The following GPC5 variants were observed in gnomAD, a reference collection of about 807,000 sequenced individuals.
GPC5 encodes glypican-5.
A neutral mutation model predicts 53.9 loss-of-function variants in GPC5; 47 were observed. The observed-to-expected ratio is 0.87, with a 90% CI of 0.69 to 1.11. GPC5 has a LOEUF of 1.11. Ranked by LOEUF, GPC5 falls within the 50% of genes most tolerant of loss-of-function variation. GPC5 has a pLI of 0.00. For missense variants in GPC5, 748 were observed against 713.1 expected (o/e 1.05, Z -0.56); for synonymous variants, 286 against 263.3 (o/e 1.09, Z -0.84).
In GPC5 at chr13:91,918,632, T is replaced by G. The variant is rs918416340; in HGVS notation, c.1401+10575T>G. Among the ~76,000 whole-genome samples the G allele has an allele frequency of 3.9e-4, 59 of 152,316 alleles. 1 individual carries two copies. The highest frequency in any genetic ancestry group is 1.4e-3 in the African/African-American group (58 of 41,582). On this transcript the variant is annotated intron_variant, in intron 6 of 7. Coordinates refer to ENST00000377067, the MANE Select transcript of GPC5 (RefSeq NM_004466.6). ...TGCCTCCGTCATTCCCCTGAAATACTTTTGCTAAGCTCACTGATTTTCTTT... is the reference window on the plus strand; with the variant it reads ...TGCCTCCGTCATTCCCCTGAAATACGTTTGCTAAGCTCACTGATTTTCTTT...
chr13:92,416,281 A>G (rs761231042), intron 7 of GPC5, among the ~76,000 whole-genome samples: 1 of 152,158 alleles, frequency 6.6e-6, no homozygotes, highest in Non-Finnish European at 1.5e-5. Context: ...TGGTCACCCG[A>G]CAATGTTTGA....
At chr13:91,529,825 CT>C (rs998329962) in intron 2 of GPC5, among the ~76,000 whole-genome samples, 11 of 152,028 alleles carry the variant, frequency 7.2e-5, no homozygotes, top group Non-Finnish European at 1.6e-4. Context: ...TGTCACCTCA[CT>C]TTTTTTTGTT....
At chr13:92,087,109 T>C (rs1474603970) in intron 6 of GPC5, among the ~76,000 whole-genome samples, 2 of 152,232 alleles carry the variant, frequency 1.3e-5, no homozygotes, top group Non-Finnish European at 2.9e-5. Flanking sequence ...TCTTCCTTAG[T>C]GCTGAGGGCC....
At chr13:91,849,252 A>G (rs571341842) in intron 5 of GPC5, among the ~76,000 whole-genome samples, 1 of 152,236 alleles carries the variant, frequency 6.6e-6, no homozygotes, top group East Asian at 1.9e-4. Flanking sequence ...GTATGATGAC[A>G]TGACATGCAT....
At chr13:92,529,172 G>A (rs1216968744) in intron 7 of GPC5, among the ~76,000 whole-genome samples, 1 of 151,988 alleles carries the variant, frequency 6.6e-6, no homozygotes, top group East Asian at 1.9e-4. Context: ...TGCAGATTAG[G>A]ATATTTTAAC....
intron 2 of GPC5, among the ~76,000 whole-genome samples, chr13:91,477,121 T>G (rs922333139): frequency 6.6e-6 from 1 of 152,164 alleles, no homozygotes; most frequent in Non-Finnish European, 1.5e-5. Flanking sequence ...TGGATGAAGA[T>G]TATGGTTTTA....
At chr13:92,641,426 C>G (rs781451523) in intron 7 of GPC5, among the ~76,000 whole-genome samples, 2 of 151,932 alleles carry the variant, frequency 1.3e-5, no homozygotes, top group African/African-American at 4.8e-5. Flanking sequence ...GGCAGAGAAA[C>G]GCTGATAGAA....
intron 7 of GPC5, among the ~76,000 whole-genome samples, chr13:92,680,742 TTAGA>T (rs1887087372): frequency 6.6e-6 from 1 of 152,178 alleles, no homozygotes; most frequent in South Asian, 2.1e-4. Context: ...GAAGTAACTA[TTAGA>T]TAGGTATTGT....
chr13:91,772,385 C>T (rs944252098), intron 5 of GPC5, among the ~76,000 whole-genome samples: 16 of 152,166 alleles, frequency 1.1e-4, no homozygotes, highest in Middle Eastern at 3.4e-3. Flanking sequence ...GGCTAGAAAT[C>T]GTTACTTTGT....
At chr13:91,554,957 A>T (rs1056732472) in intron 2 of GPC5, among the ~76,000 whole-genome samples, 1 of 152,088 alleles carries the variant, frequency 6.6e-6, no homozygotes, top group Non-Finnish European at 1.5e-5. Flanking sequence ...CAAGCAACAA[A>T]GCCTTAGCCC....
At chr13:92,555,785 T>C (rs1882473242) in intron 7 of GPC5, among the ~76,000 whole-genome samples, 1 of 149,998 alleles carries the variant, frequency 6.7e-6, no homozygotes, top group Non-Finnish European at 1.5e-5. Context: ...GTTTAAAATA[T>C]ATATTACATA....
At chr13:92,608,113 G>T (rs1053778880) in intron 7 of GPC5, among the ~76,000 whole-genome samples, 1 of 151,876 alleles carries the variant, frequency 6.6e-6, no homozygotes, top group Non-Finnish European at 1.5e-5. Context: ...TGTGTTCATC[G>T]ACCATTTATG....
At chr13:91,769,694 T>G (rs1352072880) in intron 5 of GPC5, among the ~76,000 whole-genome samples, 1 of 152,190 alleles carries the variant, frequency 6.6e-6, no homozygotes, top group Non-Finnish European at 1.5e-5. Context: ...TCAGGTCAAA[T>G]AAGCCCGGGA....
At chr13:91,689,203 A>G (rs898200155) in intron 2 of GPC5, among the ~76,000 whole-genome samples, 1 of 112,010 alleles carries the variant, frequency 8.9e-6, no homozygotes, top group Non-Finnish European at 1.8e-5. Flanking sequence ...ATATATATAT[A>G]TATATATATA....
chr13:91,462,579 G>A (rs505797), intron 2 of GPC5, among the ~76,000 whole-genome samples: 148,911 of 152,232 alleles, frequency 0.98, 72,913 homozygotes, highest in Middle Eastern at 1. Flanking sequence ...GTGAAATATC[G>A]TTGCGTATCT....
intron 5 of GPC5, among the ~76,000 whole-genome samples, chr13:91,865,018 C>A (rs2039068839): frequency 6.6e-6 from 1 of 151,864 alleles, no homozygotes; most frequent in African/African-American, 2.4e-5. Context: ...GATTCTCCTG[C>A]CTCAGCCTCC....
Position 92,778,966 on chromosome 13 carries a change from TAC to T in GPC5, c.1562-87294_1562-87293del, listed in dbSNP as rs5805763. ...CTTGTGTATGAATATGTGCAAGATA[TAC>T]ACACACACACACACACACACATATA... On this transcript the variant is annotated intron_variant, in intron 7 of 7. Transcript: ENST00000377067. Among the ~76,000 whole-genome samples, 672 of 149,328 alleles carry T rather than the reference TAC, an allele frequency of 4.5e-3. 3 individuals carry two copies. Among genetic ancestry groups the T allele is most frequent in the South Asian group, 7.9e-3 (37 of 4,706 alleles).
intron 4 of GPC5, among the ~76,000 whole-genome samples, chr13:91,738,709 T>C (rs1281702315): frequency 2.0e-5 from 3 of 151,426 alleles, no homozygotes; most frequent in South Asian, 2.1e-4. Context: ...GATCACAATA[T>C]GCATTTTTAA....
intron 3 of GPC5, among the ~76,000 whole-genome samples, chr13:91,701,909 G>A (rs1456149738): frequency 2.0e-5 from 3 of 152,008 alleles, no homozygotes; most frequent in Non-Finnish European, 2.9e-5. Context: ...TAACATTCCT[G>A]CCAATAGCAT....
Sources: gnomAD v4.1 joint callset for allele counts (sites outside exome capture counted in the v4.1 genomes callset) on GRCh38, gnomAD v4.1.1 for gene constraint, MANE v1.5 for transcripts, NCBI Gene and HGNC (gene_info 2026-07-23, HGNC 2026-07-21) for gene names.